The following ADAMTS5 variants were observed in gnomAD, a reference collection of about 807,000 sequenced individuals.
ADAMTS5 encodes the protein ADAM metallopeptidase with thrombospondin type 1 motif 5, also known as A disintegrin and metalloproteinase with thrombospondin motifs 5.
ADAMTS5 carries 54 observed loss-of-function variants against 81.4 expected under a neutral mutation model. The observed-to-expected ratio is 0.66, with a 90% CI of 0.53 to 0.83. The LOEUF (loss-of-function observed/expected upper bound fraction) is 0.83, where lower values mean the gene tolerates loss of function less well. ADAMTS5 is among the 40% of genes least tolerant of loss of function. The probability of loss-of-function intolerance (pLI) is 0.00; values close to 1 mark genes in which losing one functional copy is unlikely to be tolerated. For missense variants in ADAMTS5, 1,194 were observed against 1,229.9 expected (o/e 0.97, Z 0.44); for synonymous variants, 532 against 508.8 (o/e 1.05, Z -0.61).
chr21:26,954,722 G>T lies in ADAMTS5; in HGVS notation c.1237+17C>A, dbSNP rs1380036941. 1 of 1,611,042 alleles carries T rather than the reference G, an allele frequency of 6.2e-7. No homozygotes were observed. Among genetic ancestry groups the T allele is most frequent in the African/African-American group, 1.3e-5 (1 of 74,810 alleles). On this transcript the variant is annotated intron_variant, in intron 2 of 7. Coordinates refer to ENST00000284987, the MANE Select transcript of ADAMTS5 (RefSeq NM_007038.5). ...AAGTGTTTGATTTGGTGAGGGAAAA[G>T]AAAAGGCGCTGCATACCGATTTCGT...
At chr21:26,934,416 C>G in intron 4 of ADAMTS5, 50 bp downstream of exon 4, 31 of 1,595,658 alleles carry the variant, frequency 1.9e-5, no homozygotes, top group Non-Finnish European at 2.3e-5. Flanking sequence ...CACAAGAATG[C>G]ACTTCACTTC....
At chr21:26,947,587 C>A (rs1372990628) in intron 2 of ADAMTS5, among the ~76,000 whole-genome samples, 1 of 152,056 alleles carries the variant, frequency 6.6e-6, no homozygotes, top group Non-Finnish European at 1.5e-5. Flanking sequence ...GCGCACACCA[C>A]CATTCCTGGC....
At chr21:26,943,065 C>T (rs937458529) in intron 3 of ADAMTS5, among the ~76,000 whole-genome samples, 3 of 152,170 alleles carry the variant, frequency 2.0e-5, no homozygotes, top group Non-Finnish European at 4.4e-5. Context: ...AAAGTTCTCA[C>T]AGGAAGCTAG....
rs547414302 is a variant in ADAMTS5, at chr21:26,921,052, C to T, written c.*3001G>A. 1 of 152,560 alleles carries T rather than the reference C, an allele frequency of 6.6e-6. No homozygotes were observed. Among genetic ancestry groups the T allele is most frequent in the Non-Finnish European group, 1.5e-5 (1 of 67,958 alleles). The allele number at this position is 152,560 out of a possible 1,614,324, so 9.5% of individuals were successfully genotyped here. A position where few individuals can be genotyped will look rare whatever the true frequency, so the allele number is the denominator to read the frequency against. On this transcript the variant is annotated 3_prime_UTR_variant, in exon 8 of 8. Coordinates refer to ENST00000284987, the MANE Select transcript of ADAMTS5 (RefSeq NM_007038.5). ...ATTAAAAAGTAGGACAACAGCAAAA[C>T]ATTTTAAATATAGAAAAATTTGAAC...
At chr21:26,954,714 A>G in intron 2 of ADAMTS5, 25 bp downstream of exon 2, 1 of 1,609,322 alleles carries the variant, frequency 6.2e-7, no homozygotes, top group Non-Finnish European at 8.5e-7. Flanking sequence ...TGATTTGGTG[A>G]GGGAAAAGAA....
intron 3 of ADAMTS5, among the ~76,000 whole-genome samples, chr21:26,942,248 A>T (rs866369953): frequency 1.3e-5 from 2 of 152,242 alleles, no homozygotes; most frequent in Middle Eastern, 6.8e-3. Flanking sequence ...GAATTTGTCC[A>T]TTGTTCTGGT....
In ADAMTS5 at chr21:26,943,503, CT is replaced by C; in HGVS notation, c.1281del (p.Glu428ArgfsTer11). ...TTATCTTCTGTGGAACCAAAGGTCT[CT>C]TCACAGAATTTGGAATCGTCATGGG... is the stretch of plus-strand genomic sequence containing the variant. The part of the protein sequence containing the change: ...GLSHDDSKFC[E>X]ETFGSTEDKR... On this transcript the variant is annotated frameshift_variant, in exon 3 of 8. Coordinates refer to ENST00000284987, the MANE Select transcript of ADAMTS5 (RefSeq NM_007038.5). LOFTEE classifies it high-confidence loss of function. The C allele has an allele frequency of 6.2e-7, 1 of 1,613,694 alleles. No individual in the cohort carries two copies. Among genetic ancestry groups the C allele is most frequent in the Non-Finnish European group, 8.5e-7 (1 of 1,179,736 alleles).
chr21:26,941,843 A>T (rs1308089639), intron 3 of ADAMTS5, among the ~76,000 whole-genome samples: 1 of 152,146 alleles, frequency 6.6e-6, no homozygotes, highest in African/African-American at 2.4e-5. Flanking sequence ...TACTGACCTG[A>T]TCAATGTAGA....
intron 3 of ADAMTS5, among the ~76,000 whole-genome samples, chr21:26,936,424 A>G (rs1342928762): frequency 6.6e-6 from 1 of 152,202 alleles, no homozygotes; most frequent in South Asian, 2.1e-4. Flanking sequence ...AGCCTTTTAG[A>G]TGTACTACAG....
At chr21:26,930,208 T>G (rs1986882483) in intron 6 of ADAMTS5, 147 bp from the exon 7 acceptor site, 6 of 768,766 alleles carry the variant, frequency 7.8e-6, no homozygotes, top group Non-Finnish European at 9.8e-6. Flanking sequence ...AAAAACATAG[T>G]TTCCAGAAGT....
Position 26,965,645 on chromosome 21 carries a change from GC to G in ADAMTS5, c.746del (p.Gly249AlafsTer44). 6.3e-7 allele frequency: 1 copy of G among 1,595,610 alleles called. No homozygotes were observed. Among genetic ancestry groups the G allele is most frequent in the South Asian group, 1.1e-5 (1 of 89,436 alleles). ...LDQSALSPAG[G>X]SGPQTWWRRR... is the part of the protein sequence containing the mutation. Reference sequence around the variant, plus strand: ...GCCGCCACCACGTCTGCGGTCCTGAGCCCCCAGCGGGCGAGAGAGCGGACTG... The same window carrying G: ...GCCGCCACCACGTCTGCGGTCCTGAGCCCCAGCGGGCGAGAGAGCGGACTG... On this transcript the variant is annotated frameshift_variant, in exon 1 of 8. Coordinates refer to ENST00000284987, the MANE Select transcript of ADAMTS5 (RefSeq NM_007038.5). LOFTEE classifies it high-confidence loss of function.
intron 7 of ADAMTS5, among the ~76,000 whole-genome samples, chr21:26,929,320 A>G (rs188236905): frequency 2.6e-5 from 4 of 152,264 alleles, no homozygotes; most frequent in Admixed American, 6.5e-5. Context: ...GGTACTTCAT[A>G]AACTTGAATA....
chr21:26,943,159 A>T (rs961813713), intron 3 of ADAMTS5, among the ~76,000 whole-genome samples: 4 of 152,118 alleles, frequency 2.6e-5, no homozygotes, highest in Non-Finnish European at 1.5e-5. Flanking sequence ...CTCCTTTGAA[A>T]TTTTTCAATT....
intron 2 of ADAMTS5, among the ~76,000 whole-genome samples, chr21:26,949,273 C>G (rs1294021331): frequency 6.6e-6 from 1 of 151,898 alleles, no homozygotes; most frequent in African/African-American, 2.4e-5. Flanking sequence ...TCAAAGCCCA[C>G]TGAAGCCTCC....
At chr21:26,949,739 C>T (rs888001604) in intron 2 of ADAMTS5, among the ~76,000 whole-genome samples, 4 of 152,186 alleles carry the variant, frequency 2.6e-5, no homozygotes, top group African/African-American at 9.7e-5. Context: ...CTTATTCCCA[C>T]ATTTTATTTG....
At chr21:26,949,926 G>C (rs1568848552) in intron 2 of ADAMTS5, among the ~76,000 whole-genome samples, 1 of 152,184 alleles carries the variant, frequency 6.6e-6, no homozygotes, top group Non-Finnish European at 1.5e-5. Context: ...AAGAACCTCT[G>C]CAGCTTTTCA....
intron 1 of ADAMTS5, among the ~76,000 whole-genome samples, chr21:26,957,600 AG>A (rs1006003384): frequency 2.8e-5 from 3 of 108,146 alleles, no homozygotes; most frequent in Non-Finnish European, 6.3e-5. Context: ...GTAGATCTGA[AG>A]GTAAGTGATT....
In ADAMTS5 at chr21:26,919,937, T is replaced by A. The variant is rs1857436665; in HGVS notation, c.*4116A>T. 1 of 152,058 alleles carries A rather than the reference T, an allele frequency of 6.6e-6. No homozygotes were observed. Among genetic ancestry groups the A allele is most frequent in the Non-Finnish European group, 1.5e-5 (1 of 67,998 alleles). 9.4% of individuals were successfully genotyped at this position (152,058 alleles called of 1,614,324 possible). On this transcript the variant is annotated 3_prime_UTR_variant, in exon 8 of 8. Coordinates refer to ENST00000284987, the MANE Select transcript of ADAMTS5 (RefSeq NM_007038.5). ...GTTCTATTAAAGCTTTAAATGACCA[T>A]TTCTGTACACATGGCTATTTCATTT...
At chr21:26,946,244 C>T (rs1987213223) in intron 2 of ADAMTS5, among the ~76,000 whole-genome samples, 1 of 152,170 alleles carries the variant, frequency 6.6e-6, no homozygotes, top group African/African-American at 2.4e-5. Flanking sequence ...AGGCTGCAAA[C>T]AGCAAAAGGA....
Sources: gnomAD v4.1 joint callset for allele counts (sites outside exome capture counted in the v4.1 genomes callset) on GRCh38, gnomAD v4.1.1 for gene constraint, MANE v1.5 for transcripts, NCBI Gene and HGNC (gene_info 2026-07-23, HGNC 2026-07-21) for gene names.